The following LRRTM4 variants were observed in gnomAD, a reference collection of about 807,000 sequenced individuals.
LRRTM4 encodes leucine rich repeat transmembrane neuronal 4.
Under a neutral mutation model 47.6 loss-of-function variants are expected in LRRTM4, and 25 were observed. That is an observed-to-expected ratio of 0.53 (90% CI 0.38 to 0.73). LRRTM4 has a LOEUF of 0.73. LRRTM4 is among the 30% of genes least tolerant of loss of function. The pLI, the probability that LRRTM4 is intolerant of heterozygous loss-of-function variation, is 0.00. For missense variants in LRRTM4, 638 were observed against 713.4 expected (o/e 0.89, Z 1.20); for synonymous variants, 311 against 269.5 (o/e 1.15, Z -1.51).
intron 3 of LRRTM4, among the ~76,000 whole-genome samples, chr2:77,333,940 A>G (rs1671065229): frequency 6.6e-6 from 1 of 152,306 alleles, no homozygotes; most frequent in Admixed American, 6.5e-5. Flanking sequence ...GCCTAAGACC[A>G]TGGGAACCCG....
chr2:77,133,592 T>C (rs575904145), intron 3 of LRRTM4, among the ~76,000 whole-genome samples: 23 of 143,928 alleles, frequency 1.6e-4, no homozygotes, highest in African/African-American at 6.0e-4. Context: ...GAAGGTGTTT[T>C]TGTTTTCAAT....
At chr2:76,807,430 A>ATATG (rs1670533313) in intron 3 of LRRTM4, among the ~76,000 whole-genome samples, 3 of 98,140 alleles carry the variant, frequency 3.1e-5, no homozygotes, top group Non-Finnish European at 5.3e-5. Context: ...ATATACATAT[A>ATATG]TATATACGTA....
chr2:77,139,246 T>C lies in LRRTM4; in HGVS notation c.1551+379072A>G, dbSNP rs1466224773. 2.0e-5 allele frequency among the ~76,000 whole-genome samples: 3 copies of C among 152,114 alleles called. 1 individual carries two copies. The highest frequency in any genetic ancestry group is 2.9e-5 in the Non-Finnish European group (2 of 68,020). On this transcript the variant is annotated intron_variant, in intron 3 of 3. Transcript: ENST00000409884. ...CTCAATAAAATACTGGCAAACCAGA[T>C]CCAGCAGCGCATCAAAAAGCTTATC...
chr2:77,014,321 T>A lies in LRRTM4; in HGVS notation c.1552-265405A>T, dbSNP rs186175048. On this transcript the variant is annotated intron_variant, in intron 3 of 3. Coordinates refer to ENST00000409884, the MANE Select transcript of LRRTM4 (RefSeq NM_001134745.3). ...GACTGAGTGCATATTCTATTCACAT[T>A]GTAAATTAAATATTAATTTATTATA... Among the ~76,000 whole-genome samples the A allele has an allele frequency of 1.6e-3, 251 of 152,218 alleles. 2 individuals carry two copies. Among genetic ancestry groups the A allele is most frequent in the African/African-American group, 5.8e-3 (240 of 41,558 alleles).
chr2:76,954,080 G>T (rs1466355768), intron 3 of LRRTM4, among the ~76,000 whole-genome samples: 1 of 151,832 alleles, frequency 6.6e-6, no homozygotes, highest in East Asian at 2.0e-4. Flanking sequence ...GCAGGCTGGG[G>T]GTGGTCTTTC....
intron 3 of LRRTM4, among the ~76,000 whole-genome samples, chr2:77,228,875 C>T (rs1322499891): frequency 6.6e-6 from 1 of 152,138 alleles, no homozygotes; most frequent in Non-Finnish European, 1.5e-5. Flanking sequence ...CATGAGGGAT[C>T]CACACATCTG....
rs189114281 is a variant in LRRTM4 at position 77,478,706 on chromosome 2, T to C, written c.1551+39612A>G. Among the ~76,000 whole-genome samples, 9 of 152,326 alleles carry C rather than the reference T, an allele frequency of 5.9e-5. No individual in the cohort carries two copies. In the East Asian group the frequency reaches 1.7e-3, roughly 29 times the overall value. ...ACTAGATAAAATGAAGTTCTATTTG[T>C]TCAAGTCATTTCAGAGGCATTTACT... On this transcript the variant is annotated intron_variant, in intron 3 of 3. Transcript: ENST00000409884.
intron 3 of LRRTM4, among the ~76,000 whole-genome samples, chr2:76,814,806 T>C (rs4996821): frequency 5.3e-4 from 28 of 52,638 alleles, no homozygotes; most frequent in African/African-American, 1.2e-3. Context: ...CACACACACA[T>C]ACACACACAC....
At chr2:77,253,852 G>A (rs1349255418) in intron 3 of LRRTM4, among the ~76,000 whole-genome samples, 1 of 152,034 alleles carries the variant, frequency 6.6e-6, no homozygotes, top group Non-Finnish European at 1.5e-5. Context: ...AGAAAGCAAA[G>A]CCTCAGGAAT....
rs548572216 is a variant in LRRTM4 at position 76,954,755 on chromosome 2, AAAATT to A, written c.1552-205844_1552-205840del. On this transcript the variant is annotated intron_variant, in intron 3 of 3. Coordinates refer to ENST00000409884, the MANE Select transcript of LRRTM4 (RefSeq NM_001134745.3). The stretch of plus-strand genomic sequence containing the variant: ...TGATATACGCGATAATAAAATTATC[AAAATT>A]AAATAATGAAAACAATTTCTAAGCA... Among the ~76,000 whole-genome samples the A allele has an allele frequency of 1.2e-3, 185 of 151,976 alleles. 2 individuals carry two copies. In the South Asian group the frequency reaches 0.02, roughly 16 times the overall value.
intron 3 of LRRTM4, among the ~76,000 whole-genome samples, chr2:76,869,344 T>C (rs745433377): frequency 2.0e-5 from 3 of 152,020 alleles, no homozygotes. Context: ...GCAGAAAATT[T>C]CCAGTGGCAG....
At chr2:77,088,976 C>T (rs902663127) in intron 3 of LRRTM4, among the ~76,000 whole-genome samples, 9 of 151,972 alleles carry the variant, frequency 5.9e-5, no homozygotes, top group Non-Finnish European at 4.4e-5. Context: ...ACGTTTTATC[C>T]GTGGACCCAA....
At chr2:77,213,610 A>G (rs767499152) in intron 3 of LRRTM4, among the ~76,000 whole-genome samples, 22 of 152,136 alleles carry the variant, frequency 1.4e-4, no homozygotes, top group Admixed American at 6.6e-4. Flanking sequence ...TTCCAACAAC[A>G]AAAGATAAGA....
At chr2:77,288,359 A>G (rs1307694570) in intron 3 of LRRTM4, among the ~76,000 whole-genome samples, 2 of 151,944 alleles carry the variant, frequency 1.3e-5, no homozygotes, top group Non-Finnish European at 2.9e-5. Context: ...AACTTGTTTG[A>G]AAAACAGTAA....
intron 3 of LRRTM4, among the ~76,000 whole-genome samples, chr2:77,247,112 A>T (rs188474991): frequency 9.8e-4 from 149 of 152,198 alleles, no homozygotes; most frequent in African/African-American, 3.5e-3. Context: ...TATTAATTAT[A>T]TTGAATGAGG....
rs539643911 is a variant in LRRTM4, at chr2:77,108,042, T to G, written c.1552-359126A>C. On this transcript the variant is annotated intron_variant, in intron 3 of 3. Coordinates refer to ENST00000409884, the MANE Select transcript of LRRTM4 (RefSeq NM_001134745.3). Reference sequence around the variant, plus strand: ...TCAAAATTCATTAAAAAAACTGAATTTATTGCATATTAAACTCTGTGAAAA... The same window carrying G: ...TCAAAATTCATTAAAAAAACTGAATGTATTGCATATTAAACTCTGTGAAAA... Among the ~76,000 whole-genome samples the G allele has an allele frequency of 2.0e-4, 31 of 151,896 alleles. 1 individual carries two copies. In the South Asian group the frequency reaches 6.5e-3, roughly 32 times the overall value.
chr2:76,993,535 G>T lies in LRRTM4; in HGVS notation c.1552-244619C>A, dbSNP rs552582777. On this transcript the variant is annotated intron_variant, in intron 3 of 3. Coordinates refer to ENST00000409884, the MANE Select transcript of LRRTM4 (RefSeq NM_001134745.3). ...CAACATTACTAATAATCGGAGAAATGTGAATCAAAACCACAGTGACATATT... is the reference window on the plus strand; with the variant it reads ...CAACATTACTAATAATCGGAGAAATTTGAATCAAAACCACAGTGACATATT... Among the ~76,000 whole-genome samples the T allele has an allele frequency of 6.6e-5, 10 of 152,068 alleles. No homozygotes were observed. The Admixed American group carries it at 6.6e-4, about 10-fold the overall frequency.
At chr2:77,465,754 A>G (rs1262988539) in intron 3 of LRRTM4, among the ~76,000 whole-genome samples, 1 of 152,090 alleles carries the variant, frequency 6.6e-6, no homozygotes, top group Non-Finnish European at 1.5e-5. Flanking sequence ...CCCAGAAAGC[A>G]TTTTCTTTCA....
chr2:77,163,884 G>C (rs1246911375), intron 3 of LRRTM4, among the ~76,000 whole-genome samples: 1 of 152,106 alleles, frequency 6.6e-6, no homozygotes, highest in East Asian at 1.9e-4. Flanking sequence ...TTCAATGCTA[G>C]GAAGAAACTG....
Sources: gnomAD v4.1 joint callset for allele counts (sites outside exome capture counted in the v4.1 genomes callset) on GRCh38, gnomAD v4.1.1 for gene constraint, MANE v1.5 for transcripts, NCBI Gene and HGNC (gene_info 2026-07-23, HGNC 2026-07-21) for gene names.